ADCY5: variants seen among roughly 807,000 people sequenced by gnomAD.
The protein encoded by ADCY5 is adenylate cyclase 5.
ADCY5 carries 30 observed loss-of-function variants against 119.7 expected under a neutral mutation model. The observed-to-expected ratio is 0.25, with a 90% confidence interval of 0.19 to 0.34. The LOEUF is 0.34. Ranked by LOEUF, ADCY5 falls within the 10% of genes least tolerant of loss-of-function variation. The pLI, the probability that ADCY5 is intolerant of heterozygous loss-of-function variation, is 1.00. For missense variants in ADCY5, 1,324 were observed against 1,775.2 expected (o/e 0.75, Z 4.57); for synonymous variants, 753 against 762.2 (o/e 0.99, Z 0.20).
At chr3:123,311,537 A>G (rs1043618995) in intron 12 of ADCY5, among the ~76,000 whole-genome samples, 8 of 152,224 alleles carry the variant, frequency 5.3e-5, no homozygotes, top group African/African-American at 1.9e-4. Context: ...AAAGAAGTTC[A>G]TATTACAAAT....
At chr3:123,323,211 G>A (rs1559805322) in intron 8 of ADCY5, among the ~76,000 whole-genome samples, 1 of 151,984 alleles carries the variant, frequency 6.6e-6, no homozygotes, top group Non-Finnish European at 1.5e-5. Flanking sequence ...CCTCCCTGCT[G>A]GGCAAAGCGA....
intron 1 of ADCY5, among the ~76,000 whole-genome samples, chr3:123,366,248 G>T (rs1404572622): frequency 6.6e-6 from 1 of 152,218 alleles, no homozygotes; most frequent in African/African-American, 2.4e-5. Context: ...GTACAAAGGG[G>T]AGGCAGGACA....
intron 19 of ADCY5, chr3:123,287,089 T>G: frequency 3.0e-6 from 1 of 330,830 alleles, no homozygotes; most frequent in East Asian, 5.4e-5. Context: ...TGCAGTTGCC[T>G]TTCCCTAATC....
chr3:123,386,925 A>G (rs1368897507), intron 1 of ADCY5, among the ~76,000 whole-genome samples: 2 of 152,178 alleles, frequency 1.3e-5, no homozygotes, highest in Admixed American at 1.3e-4. Context: ...AAAACAGAGA[A>G]AGACGACAGC....
At chr3:123,348,239 G>A (rs900859756) in intron 2 of ADCY5, among the ~76,000 whole-genome samples, 1 of 152,036 alleles carries the variant, frequency 6.6e-6, no homozygotes, top group Non-Finnish European at 1.5e-5. Context: ...GAGACTCTGC[G>A]TGACCTTGGG....
chr3:123,385,244 C>T (rs1356392053), intron 1 of ADCY5, among the ~76,000 whole-genome samples: 1 of 151,976 alleles, frequency 6.6e-6, no homozygotes, highest in Non-Finnish European at 1.5e-5. Flanking sequence ...CAGGGGAAAG[C>T]CGGTACACAT....
chr3:123,342,573 T>G (rs565172023), intron 3 of ADCY5, among the ~76,000 whole-genome samples: 2 of 152,260 alleles, frequency 1.3e-5, no homozygotes, highest in African/African-American at 4.8e-5. Context: ...CCCCAACCCG[T>G]GCCCCATCCT....
At position 123,448,815 on chromosome 3, in the gene ADCY5, G is replaced by T. The variant is rs1211489223; in HGVS notation, c.-270C>A. 1 of 359,330 alleles carries T rather than the reference G, an allele frequency of 2.8e-6. No individual in the cohort carries two copies. Among genetic ancestry groups the T allele is most frequent in the Non-Finnish European group, 5.0e-6 (1 of 200,880 alleles). The allele number at this position is 359,330 out of a possible 1,614,324, so 22.3% of individuals were successfully genotyped here. A position where few individuals can be genotyped will look rare whatever the true frequency, so the allele number is the denominator to read the frequency against. On this transcript the variant is annotated 5_prime_UTR_variant, in exon 1 of 21. Transcript: ENST00000462833. ...CTCCGAGGTGGGGTCGCAGGGACTG[G>T]TCTGGCTGCTGCTGCGCCGCACGCG...
At chr3:123,410,732 C>T (rs1945024205) in intron 1 of ADCY5, among the ~76,000 whole-genome samples, 1 of 152,080 alleles carries the variant, frequency 6.6e-6, no homozygotes, top group African/African-American at 2.4e-5. Context: ...ACTGCAGCCT[C>T]GAACTCCTGA....
At chr3:123,383,718 G>A (rs1263630822) in intron 1 of ADCY5, among the ~76,000 whole-genome samples, 2 of 151,998 alleles carry the variant, frequency 1.3e-5, no homozygotes, top group Non-Finnish European at 2.9e-5. Flanking sequence ...TTAAACTACT[G>A]GGCAACCCAG....
chr3:123,325,884 T>C (rs1941463000), intron 7 of ADCY5, among the ~76,000 whole-genome samples: 6 of 152,232 alleles, frequency 3.9e-5, no homozygotes, highest in Admixed American at 3.9e-4. Context: ...CCCCCTACTC[T>C]GTGGGGCAGG....
At position 123,447,504 on chromosome 3, in the gene ADCY5, G is replaced by C; in HGVS notation, c.1042C>G (p.Arg348Gly). 6.2e-7 allele frequency: 1 copy of C among 1,611,296 alleles called. No individual in the cohort carries two copies. Among genetic ancestry groups the C allele is most frequent in the Non-Finnish European group, 8.5e-7 (1 of 1,179,492 alleles). ...TIYTLLPVRM[R>G]AAVLSGVLLS... Reference sequence around the variant, plus strand: ...AGCACCCCGCTGAGCACTGCGGCCCGCATGCGCACGGGCAGCAGCGTGTAG... The same window carrying C: ...AGCACCCCGCTGAGCACTGCGGCCCCCATGCGCACGGGCAGCAGCGTGTAG... The change falls in exon 1 of 21, where the codon CGG becomes GGG. Residue 348 changes from arginine to glycine, a missense_variant. This residue lies in a region of ADCY5 where 585 missense variants were observed against 569.9 expected (regional missense o/e 1.03). Transcript: ENST00000462833.
At position 123,400,997 on chromosome 3, in the gene ADCY5, G is replaced by A. The variant is rs72966546; in HGVS notation, c.1134+46415C>T. On this transcript the variant is annotated intron_variant, in intron 1 of 20. Transcript: ENST00000462833. ...AAATAAATAAATAAAGAGCTGATAC[G>A]GTATGAAAGCAGTTAAATTTTAAAA... Among the ~76,000 whole-genome samples, 482 of 151,584 alleles carry A rather than the reference G, an allele frequency of 3.2e-3. 4 individuals carry two copies. Among genetic ancestry groups the A allele is most frequent in the African/African-American group, 0.011 (460 of 41,424 alleles).
chr3:123,359,514 C>A (rs1343072070), intron 1 of ADCY5, among the ~76,000 whole-genome samples: 2 of 151,752 alleles, frequency 1.3e-5, no homozygotes, highest in East Asian at 3.9e-4. Context: ...CTCCCTCTTC[C>A]AGATCTTCCT....
At chr3:123,369,712 C>T (rs1045581640) in intron 1 of ADCY5, among the ~76,000 whole-genome samples, 2 of 152,218 alleles carry the variant, frequency 1.3e-5, no homozygotes, top group African/African-American at 4.8e-5. Flanking sequence ...CAGTGCAGCC[C>T]TTCTCCTCAC....
Position 123,335,176 on chromosome 3 carries a change from T to A in ADCY5, c.1407-2501A>T, listed in dbSNP as rs555257046. The stretch of plus-strand genomic sequence containing the variant: ...TACATACCGAGCCAGCGCAAAGACA[T>A]TCTTCAAACCAGCCAAGCACTTGCC... On this transcript the variant is annotated intron_variant, in intron 3 of 20. Coordinates refer to ENST00000462833, the MANE Select transcript of ADCY5 (RefSeq NM_183357.3). Among the ~76,000 whole-genome samples the A allele has an allele frequency of 7.2e-5, 11 of 152,196 alleles. No individual in the cohort carries two copies. In the East Asian group the frequency reaches 7.7e-4, roughly 11 times the overall value.
intron 3 of ADCY5, among the ~76,000 whole-genome samples, chr3:123,343,000 G>A (rs1942362840): frequency 6.6e-6 from 1 of 152,186 alleles, no homozygotes; most frequent in African/African-American, 2.4e-5. Flanking sequence ...AGGAGTCCTG[G>A]GCTAGCTAGC....
At position 123,352,295 on chromosome 3, in the gene ADCY5, C is replaced by T; in HGVS notation, c.1284+137G>A. On this transcript the variant is annotated intron_variant, in intron 2 of 20. Coordinates refer to ENST00000462833, the MANE Select transcript of ADCY5 (RefSeq NM_183357.3). This position sits in a 1 kb window ranked among gnomAD's most constrained non-coding sequence, Gnocchi z 4.8. ...TGGACTCTCTCCAGGGGAAACATTC[C>T]CCATGGGTTGGTCCCCTCCCGGGGA... is the stretch of plus-strand genomic sequence containing the variant. 9.0e-7 allele frequency: 1 copy of T among 1,110,568 alleles called. No individual in the cohort carries two copies. Among genetic ancestry groups the T allele is most frequent in the Non-Finnish European group, 1.2e-6 (1 of 811,344 alleles). The allele number at this position is 1,110,568 out of a possible 1,614,324, so 68.8% of individuals were successfully genotyped here.
At chr3:123,424,713 G>C (rs554623155) in intron 1 of ADCY5, among the ~76,000 whole-genome samples, 13 of 152,294 alleles carry the variant, frequency 8.5e-5, no homozygotes, top group African/African-American at 3.1e-4. Flanking sequence ...AGCCTGGCCA[G>C]TACACACTGG....
Sources: gnomAD v4.1 joint callset for allele counts (sites outside exome capture counted in the v4.1 genomes callset) on GRCh38, gnomAD v4.1.1 for gene constraint, gnomAD v4.1.1 regional missense constraint, Gnocchi (gnomAD v3.1) non-coding constraint, MANE v1.5 for transcripts, NCBI Gene and HGNC (gene_info 2026-07-23, HGNC 2026-07-21) for gene names.